Variants in RBL1 observed in about 807,000 individuals in gnomAD.
RBL1 encodes RB transcriptional corepressor like 1, also known as retinoblastoma-like protein 1.
A neutral mutation model predicts 123.0 loss-of-function variants in RBL1; 82 were observed. The observed-to-expected ratio is 0.67, with a 90% confidence interval of 0.56 to 0.80. RBL1 has a LOEUF of 0.80. Ranked by LOEUF, RBL1 falls within the 30% of genes least tolerant of loss-of-function variation. The pLI is 0.00. For synonymous variants in RBL1, 405 were observed against 441.3 expected (o/e 0.92, Z 1.03); for missense variants, 1,171 against 1,299.6 (o/e 0.90, Z 1.52).
intron 2 of RBL1, among the ~76,000 whole-genome samples, chr20:37,071,986 C>T (rs1344934381): frequency 6.6e-6 from 1 of 152,162 alleles, no homozygotes; most frequent in Non-Finnish European, 1.5e-5. Flanking sequence ...GTCACCCAAC[C>T]TCAGGTATTC....
At chr20:37,052,273 C>T (rs2064928263) in intron 11 of RBL1, among the ~76,000 whole-genome samples, 1 of 151,806 alleles carries the variant, frequency 6.6e-6, no homozygotes, top group Admixed American at 6.6e-5. Flanking sequence ...CCTTGTGATC[C>T]ACCCGGCTTG....
intron 2 of RBL1, among the ~76,000 whole-genome samples, chr20:37,086,775 T>C (rs1206304390): frequency 6.6e-6 from 1 of 152,178 alleles, no homozygotes; most frequent in Non-Finnish European, 1.5e-5. Context: ...TGCTTGATAC[T>C]AGAGTAAGTA....
rs2063908248 is a variant in RBL1 at position 36,998,159 on chromosome 20, A to G, written c.*600T>C. On this transcript the variant is annotated 3_prime_UTR_variant, in exon 22 of 22. Transcript: ENST00000373664. ...ATTTTTAAAAGAGAGCTAAAAAGTT[A>G]TGGGGTTTCTCCTTATTTCATCTTG... 6.6e-6 allele frequency: 1 copy of G among 152,096 alleles called. No individual in the cohort carries two copies. Among genetic ancestry groups the G allele is most frequent in the Non-Finnish European group, 1.5e-5 (1 of 68,020 alleles). The allele number at this position is 152,096 out of a possible 1,614,324, so 9.4% of individuals were successfully genotyped here. A position where few individuals can be genotyped will look rare whatever the true frequency, so the allele number is the denominator to read the frequency against.
At chr20:37,002,646 G>A (rs1390953999) in intron 21 of RBL1, among the ~76,000 whole-genome samples, 2 of 150,618 alleles carry the variant, frequency 1.3e-5, no homozygotes, top group Non-Finnish European at 3.0e-5. Context: ...GCCCTAATCT[G>A]TTTTAACAAG....
intron 15 of RBL1, among the ~76,000 whole-genome samples, chr20:37,034,441 A>C (rs1355489198): frequency 6.6e-6 from 1 of 152,054 alleles, no homozygotes; most frequent in Non-Finnish European, 1.5e-5. Flanking sequence ...TGCTCAATAC[A>C]TACATATTGG....
At chr20:37,003,407 C>T (rs945822366) in intron 21 of RBL1, among the ~76,000 whole-genome samples, 1 of 152,138 alleles carries the variant, frequency 6.6e-6, no homozygotes, top group Non-Finnish European at 1.5e-5. Flanking sequence ...TGACATCCCC[C>T]AGGTCTGACC....
chr20:37,039,783 C>T (rs2064690100), intron 14 of RBL1, among the ~76,000 whole-genome samples: 1 of 151,776 alleles, frequency 6.6e-6, no homozygotes, highest in Non-Finnish European at 1.5e-5. Flanking sequence ...ACTATTTCGC[C>T]CAGGCTGGGT....
intron 2 of RBL1, among the ~76,000 whole-genome samples, chr20:37,077,958 C>T (rs929437422): frequency 6.6e-6 from 1 of 152,158 alleles, no homozygotes; most frequent in Admixed American, 6.5e-5. Flanking sequence ...GCATGTATTG[C>T]ATTTAGGTGT....
chr20:37,000,913 C>T (rs541958162), intron 21 of RBL1, among the ~76,000 whole-genome samples: 12 of 134,482 alleles, frequency 8.9e-5, no homozygotes, highest in Non-Finnish European at 1.3e-4. Flanking sequence ...GTCAGCCCCC[C>T]GCCCGGCCAG....
At chr20:37,078,289 C>T (rs1034045472) in intron 2 of RBL1, among the ~76,000 whole-genome samples, 5 of 152,162 alleles carry the variant, frequency 3.3e-5, no homozygotes, top group African/African-American at 9.7e-5. Flanking sequence ...AGACACTTTG[C>T]AATTACGTGA....
At chr20:37,011,630 T>C (rs1467394838) in intron 19 of RBL1, among the ~76,000 whole-genome samples, 1 of 151,954 alleles carries the variant, frequency 6.6e-6, no homozygotes, top group Non-Finnish European at 1.5e-5. Flanking sequence ...AGATGGGGTT[T>C]CACCATGTCG....
chr20:37,003,923 C>T, intron 20 of RBL1, 57 bp from the exon 21 acceptor site: 2 of 1,454,886 alleles, frequency 1.4e-6, no homozygotes, highest in Non-Finnish European at 9.3e-7. Context: ...GTTTTTGAAT[C>T]CCATATTTTT....
intron 9 of RBL1, among the ~76,000 whole-genome samples, chr20:37,060,032 C>T (rs903458093): frequency 1.2e-4 from 18 of 152,002 alleles, no homozygotes; most frequent in South Asian, 4.2e-4. Flanking sequence ...ATTAGCTGGG[C>T]GTGGTGGCGC....
chr20:37,061,395 A>C, intron 8 of RBL1, 126 bp from the exon 9 acceptor site: 4 of 1,300,564 alleles, frequency 3.1e-6, no homozygotes, highest in Non-Finnish European at 4.0e-6. Context: ...TAGCAATACT[A>C]TGCTAATAAC....
intron 3 of RBL1, 21 bp from the exon 4 acceptor site, chr20:37,067,318 C>T (rs764849588): frequency 1.3e-6 from 2 of 1,560,354 alleles, no homozygotes; most frequent in South Asian, 1.2e-5. Flanking sequence ...AAAAAAATTA[C>T]TTTTTGTCTG....
chr20:37,036,659 T>C (rs1478702727), intron 14 of RBL1, among the ~76,000 whole-genome samples: 5 of 144,952 alleles, frequency 3.4e-5, no homozygotes, highest in South Asian at 2.2e-4. Flanking sequence ...GGAGTCTCGC[T>C]CTGTTGCCCA....
At chr20:37,018,631 G>T (rs2064293212) in intron 18 of RBL1, among the ~76,000 whole-genome samples, 1 of 152,140 alleles carries the variant, frequency 6.6e-6, no homozygotes, top group South Asian at 2.1e-4. Context: ...CTGATGATCA[G>T]GTTTTACTAA....
chr20:37,094,881 G>A (rs2065704072), intron 1 of RBL1, among the ~76,000 whole-genome samples: 1 of 152,094 alleles, frequency 6.6e-6, no homozygotes, highest in Non-Finnish European at 1.5e-5. Flanking sequence ...CAAGTGATCC[G>A]CCCGCCTTGG....
chr20:37,080,599 C>T (rs2065433599), intron 2 of RBL1, among the ~76,000 whole-genome samples: 1 of 151,794 alleles, frequency 6.6e-6, no homozygotes, highest in African/African-American at 2.4e-5. Flanking sequence ...GCTGGGATTA[C>T]AGACACCCAC....
Sources: gnomAD v4.1 joint callset for allele counts (sites outside exome capture counted in the v4.1 genomes callset) on GRCh38, gnomAD v4.1.1 for gene constraint, MANE v1.5 for transcripts, NCBI Gene and HGNC (gene_info 2026-07-23, HGNC 2026-07-21) for gene names.